Variants in RAPGEF1 observed in about 807,000 individuals in gnomAD.
The protein encoded by RAPGEF1 is CRK SH3-binding GNRP.
Under a neutral mutation model 143.3 loss-of-function variants are expected in RAPGEF1, and 33 were observed. That is an observed-to-expected ratio of 0.23 (90% CI 0.17 to 0.31). The LOEUF is 0.31. Among genes scored for constraint, RAPGEF1 ranks in the 10% least tolerant of loss-of-function variants. The pLI, the probability that RAPGEF1 is intolerant of heterozygous loss-of-function variation, is 1.00. For synonymous variants in RAPGEF1, 629 were observed against 676.5 expected, an observed-to-expected ratio of 0.93 and a Z score of 1.09; for missense variants, 1,199 against 1,645.4, an observed-to-expected ratio of 0.73 and a Z score of 4.69.
intron 1 of RAPGEF1, among the ~76,000 whole-genome samples, chr9:131,661,471 G>A (rs1974083355): frequency 6.6e-6 from 1 of 152,198 alleles, no homozygotes; most frequent in African/African-American, 2.4e-5. Flanking sequence ...GTGGGCTTCT[G>A]AGGTGACGGT....
intron 5 of RAPGEF1, among the ~76,000 whole-genome samples, chr9:131,632,074 GCACTGAA>G (rs1268459970): frequency 1.3e-5 from 2 of 152,170 alleles, no homozygotes; most frequent in African/African-American, 4.8e-5. Flanking sequence ...GGTTCGAGGA[GCACTGAA>G]CTGTAATCAC....
At chr9:131,717,443 C>G (rs1171574688) in intron 1 of RAPGEF1, among the ~76,000 whole-genome samples, 1 of 152,160 alleles carries the variant, frequency 6.6e-6, no homozygotes, top group Non-Finnish European at 1.5e-5. Context: ...TAGCAGCCGA[C>G]AGGGAGCTTA....
chr9:131,708,117 T>C (rs1259480860), intron 1 of RAPGEF1, among the ~76,000 whole-genome samples: 3 of 152,248 alleles, frequency 2.0e-5, no homozygotes, highest in African/African-American at 4.8e-5. Flanking sequence ...GCATCCCACC[T>C]ACTTTCTTTT....
In RAPGEF1 at chr9:131,626,339, T is replaced by C. The variant is rs201821916; in HGVS notation, c.1285A>G (p.Ser429Gly). The part of the protein sequence containing the change: ...QIPQQTAWNL[S>G]PLPESLGESG... ...TCCCCCAAAGACTCTGGCAACGGGC[T>C]AAGGTTCCAGGCCGTCTGCTGAGGT... Residue 429 changes from serine to glycine, a missense_variant, in exon 10 of 27, where the codon AGC (serine) becomes GGC (glycine). Physicochemically the swap from Ser to Gly is moderately conservative, Grantham distance 56. This residue lies in a region of RAPGEF1 where 613 missense variants were observed against 710.9 expected (regional missense o/e 0.86). Coordinates refer to ENST00000683357, the MANE Select transcript of RAPGEF1 (RefSeq NM_001377935.1). The C allele has an allele frequency of 6.2e-7, 1 of 1,613,950 alleles. No homozygotes were observed. The highest frequency in any genetic ancestry group is 8.5e-7 in the Non-Finnish European group (1 of 1,179,882).
At chr9:131,703,385 G>A (rs1834810967) in intron 1 of RAPGEF1, among the ~76,000 whole-genome samples, 1 of 152,114 alleles carries the variant, frequency 6.6e-6, no homozygotes, top group African/African-American at 2.4e-5. Context: ...CTTTAATAAT[G>A]TAACATCATT....
At chr9:131,659,099 G>A (rs1244301912) in intron 1 of RAPGEF1, among the ~76,000 whole-genome samples, 1 of 152,226 alleles carries the variant, frequency 6.6e-6, no homozygotes, top group African/African-American at 2.4e-5. Flanking sequence ...CGAGCACTGG[G>A]AAGGATTTAG....
chr9:131,630,449 G>T (rs1054082308), intron 5 of RAPGEF1, 125 bp from the exon 6 acceptor site: 1 of 885,146 alleles, frequency 1.1e-6, no homozygotes, highest in Non-Finnish European at 1.8e-6. Context: ...GATTCCCCAC[G>T]CACCATAAAC....
intron 1 of RAPGEF1, chr9:131,709,996 A>G (rs1315345773): frequency 1.0e-6 from 1 of 958,176 alleles, no homozygotes; most frequent in Admixed American, 6.2e-5. Flanking sequence ...TTTATTACTC[A>G]TCAGCACAAC....
chr9:131,608,105 C>T (rs1440747321), intron 12 of RAPGEF1, among the ~76,000 whole-genome samples: 2 of 152,228 alleles, frequency 1.3e-5, no homozygotes, highest in African/African-American at 4.8e-5. Flanking sequence ...TCTTGAGCCT[C>T]AGCTCAAGCT....
At chr9:131,603,715 T>C (rs1214218713) in intron 14 of RAPGEF1, among the ~76,000 whole-genome samples, 2 of 151,932 alleles carry the variant, frequency 1.3e-5, no homozygotes, top group Non-Finnish European at 2.9e-5. Context: ...AGATGACCCA[T>C]CTGGCCAGGC....
At chr9:131,593,864 T>C (rs971034803) in intron 17 of RAPGEF1, among the ~76,000 whole-genome samples, 1 of 152,204 alleles carries the variant, frequency 6.6e-6, no homozygotes, top group African/African-American at 2.4e-5. Flanking sequence ...CATAGACCCA[T>C]ACCTGCTTCT....
intron 19 of RAPGEF1, among the ~76,000 whole-genome samples, chr9:131,589,539 G>A (rs1480561998): frequency 6.6e-6 from 1 of 152,242 alleles, no homozygotes; most frequent in Non-Finnish European, 1.5e-5. Context: ...CGAGGGAGAG[G>A]TGGCCTCTCC....
intron 5 of RAPGEF1, among the ~76,000 whole-genome samples, chr9:131,632,369 C>T (rs1379033598): frequency 4.0e-5 from 6 of 151,088 alleles, no homozygotes; most frequent in African/African-American, 7.3e-5. Flanking sequence ...CCTCGTGATC[C>T]GCCCGCCTCG....
chr9:131,615,562 C>T (rs1958851703), intron 12 of RAPGEF1, among the ~76,000 whole-genome samples: 1 of 152,132 alleles, frequency 6.6e-6, no homozygotes, highest in Non-Finnish European at 1.5e-5. Context: ...GAGTCCAGGC[C>T]CGGCAGAGCC....
intron 1 of RAPGEF1, among the ~76,000 whole-genome samples, chr9:131,710,127 C>T (rs549378086): frequency 2.0e-5 from 3 of 152,280 alleles, no homozygotes; most frequent in African/African-American, 7.2e-5. Flanking sequence ...CTGGGGCATG[C>T]CAGGAGAAAC....
intron 1 of RAPGEF1, among the ~76,000 whole-genome samples, chr9:131,671,279 C>T (rs1358226339): frequency 6.6e-6 from 1 of 152,246 alleles, no homozygotes; most frequent in African/African-American, 2.4e-5. Flanking sequence ...AGGAGGCAGC[C>T]TCCTGCCGTC....
chr9:131,595,562 A>G (rs1383712138), intron 17 of RAPGEF1, among the ~76,000 whole-genome samples: 1 of 152,194 alleles, frequency 6.6e-6, no homozygotes, highest in African/African-American at 2.4e-5. Context: ...TTTAAACGTA[A>G]AAAGAGAAGC....
At chr9:131,709,527 T>G in intron 1 of RAPGEF1, 2 of 1,171,586 alleles carry the variant, frequency 1.7e-6, no homozygotes, top group Non-Finnish European at 2.5e-6. Flanking sequence ...GGAAGGTGAT[T>G]CCCCAGGCAC....
At chr9:131,590,745 A>G (rs1050988611) in intron 18 of RAPGEF1, among the ~76,000 whole-genome samples, 1 of 152,228 alleles carries the variant, frequency 6.6e-6, no homozygotes, top group African/African-American at 2.4e-5. Flanking sequence ...CCCACAGCAC[A>G]GGGGTCGCCA....
Sources: allele counts gnomAD v4.1 joint callset (sites outside exome capture counted in the v4.1 genomes callset), GRCh38; gene constraint gnomAD v4.1.1; regional missense constraint gnomAD v4.1.1; transcripts MANE v1.5; gene names NCBI Gene and HGNC (gene_info 2026-07-23, HGNC 2026-07-21).